SEPTIN2: variants seen among roughly 807,000 people sequenced by gnomAD.
The protein encoded by SEPTIN2 is septin-2.
In SEPTIN2, 34 loss-of-function variants were observed where a neutral mutation model predicts 46.5. The ratio of observed to expected loss-of-function variants is 0.73; its 90% CI spans 0.56 to 0.97. The LOEUF is 0.97. Among genes scored for constraint, SEPTIN2 ranks in the 50% least tolerant of loss-of-function variants. The pLI is 0.00. For synonymous variants in SEPTIN2, 175 were observed against 153.4 expected (o/e 1.14, Z -1.04); for missense variants, 347 against 448.4 (o/e 0.77, Z 2.04).
intron 5 of SEPTIN2, 140 bp from the exon 6 acceptor site, chr2:241,337,240 TAA>T (rs2080178787): frequency 1.2e-6 from 1 of 805,338 alleles, no homozygotes; most frequent in Non-Finnish European, 1.8e-6. Flanking sequence ...TTGCCAAATC[TAA>T]AAGTCAGTCT....
At chr2:241,321,392 C>T (rs769278920) in intron 1 of SEPTIN2, among the ~76,000 whole-genome samples, 7 of 152,008 alleles carry the variant, frequency 4.6e-5, no homozygotes, top group African/African-American at 1.2e-4. Flanking sequence ...ATCATTATAG[C>T]TTGTTATCCC....
chr2:241,345,493 C>A (rs554775583), intron 9 of SEPTIN2, among the ~76,000 whole-genome samples: 30 of 152,294 alleles, frequency 2.0e-4, no homozygotes, highest in African/African-American at 7.2e-4. Flanking sequence ...TGAGCCACTC[C>A]TTGGCTATCT....
chr2:241,328,292 C>T (rs1266955670), intron 3 of SEPTIN2, among the ~76,000 whole-genome samples: 1 of 151,806 alleles, frequency 6.6e-6, no homozygotes, highest in African/African-American at 2.4e-5. Flanking sequence ...AAAACCTGGG[C>T]GTGGTGGTGC....
At chr2:241,324,116 A>T in intron 1 of SEPTIN2, 100 bp from the exon 2 acceptor site, 1 of 1,065,804 alleles carries the variant, frequency 9.4e-7, no homozygotes, top group Non-Finnish European at 1.4e-6. Context: ...ATGTATGTGT[A>T]AGTCTTCTTC....
chr2:241,320,925 G>C (rs60209440), intron 1 of SEPTIN2, among the ~76,000 whole-genome samples: 17,009 of 151,846 alleles, frequency 0.11, 1,188 homozygotes, highest in Non-Finnish European at 0.15. Flanking sequence ...TTGCTTTCTA[G>C]AGATTGCTTA....
At chr2:241,344,646 T>A (rs1055086574) in intron 9 of SEPTIN2, among the ~76,000 whole-genome samples, 2 of 152,098 alleles carry the variant, frequency 1.3e-5, no homozygotes, top group Admixed American at 6.5e-5. Context: ...GAGGTTGCAG[T>A]GAGCCAAGAT....
At chr2:241,335,850 A>G (rs1271541623) in intron 4 of SEPTIN2, 125 bp from the exon 5 acceptor site, 3 of 1,204,762 alleles carry the variant, frequency 2.5e-6, no homozygotes, top group Non-Finnish European at 2.4e-6. Context: ...CTTAATCCCC[A>G]TGGTATCTTT....
At chr2:241,315,800 GGAA>G (rs2076074970), upstream of SEPTIN2, 1 of 152,420 alleles carries the variant, frequency 6.6e-6, no homozygotes, top group Admixed American at 6.5e-5. Context: ...ATGGGGGAGG[GGAA>G]GAAGGCCAGG....
intron 1 of SEPTIN2, chr2:241,316,399 A>C (rs1575094400): frequency 1.1e-6 from 1 of 939,658 alleles, no homozygotes; most frequent in Non-Finnish European, 1.5e-6. Context: ...TTGTCTTTCT[A>C]ACGGTGCCAT....
rs34209547 is a variant in SEPTIN2 at position 241,343,497 on chromosome 2, C to CA, written c.697-241dup. Reference sequence around the variant, plus strand: ...CTGGCGACAGAGCAAGACTCTGTCTCAAAAAAAAAAAAAATTTGATACAGC... The same window carrying CA: ...CTGGCGACAGAGCAAGACTCTGTCTCAAAAAAAAAAAAAAATTTGATACAGC... On this transcript the variant is annotated intron_variant, in intron 8 of 12. Transcript: ENST00000391971. 4.0e-3 allele frequency among the ~76,000 whole-genome samples: 500 copies of CA among 125,076 alleles called. 1 individual carries two copies. The highest frequency in any genetic ancestry group is 5.9e-3 in the Admixed American group (73 of 12,362). 82.1% of individuals were successfully genotyped at this position (125,076 alleles called of 152,430 possible).
At position 241,348,137 on chromosome 2, in the gene SEPTIN2, A is replaced by G. The variant is rs1264813973; in HGVS notation, c.930A>G (p.Lys310=). 3.1e-6 allele frequency: 5 copies of G among 1,611,892 alleles called. No homozygotes were observed. The highest frequency in any genetic ancestry group is 1.3e-5 in the African/African-American group (1 of 74,816). ...RSERLKRGGR[K]VENEDMNKDQ... ...TCTGATTTCTTTCGATTCTTAGGAA[A>G]GTGGAGAATGAGGACATGAATAAAG... is the stretch of plus-strand genomic sequence containing the variant. The change falls in exon 11 of 13, where the codon AAA becomes AAG. Residue 310 remains lysine (K), a synonymous_variant. Transcript: ENST00000391971.
chr2:241,326,233 A>G (rs1335438233), intron 3 of SEPTIN2, 120 bp downstream of exon 3: 1 of 941,114 alleles, frequency 1.1e-6, no homozygotes, highest in East Asian at 2.8e-5. Flanking sequence ...AAATAACTTG[A>G]GAATTTGAAC....
chr2:241,343,854 A>G lies in SEPTIN2; in HGVS notation c.799A>G (p.Asn267Asp). The G allele has an allele frequency of 6.2e-7, 1 of 1,614,214 alleles. No homozygotes were observed. Among genetic ancestry groups the G allele is most frequent in the Non-Finnish European group, 8.5e-7 (1 of 1,180,032 alleles). ...CCCCTGGGGTGTTGTGGAAGTGGAG[A>G]ACCCAGAGCACAATGACTTTCTGAA... Reference protein sequence around the residue: ...LYPWGVVEVENPEHNDFLKLR... With the variant: ...LYPWGVVEVEDPEHNDFLKLR... Residue 267 changes from asparagine (N) to aspartate (D), a missense_variant, in exon 9 of 13, where the codon AAC becomes GAC. Transcript: ENST00000391971.
At position 241,331,478 on chromosome 2, in the gene SEPTIN2, C is replaced by T. The variant is rs566857254; in HGVS notation, c.131-3648C>T. On this transcript the variant is annotated intron_variant, in intron 3 of 12. Transcript: ENST00000391971. The stretch of plus-strand genomic sequence containing the variant: ...ATGGTATGATTTTGGCAACCTCCAC[C>T]TCCCAGGTTTAAGTGATTCTCGTTT... Among the ~76,000 whole-genome samples, 9 of 152,316 alleles carry T rather than the reference C, an allele frequency of 5.9e-5. No homozygotes were observed. In the South Asian group the frequency reaches 1.9e-3, roughly 32 times the overall value.
chr2:241,335,512 A>G, intron 4 of SEPTIN2: 3 of 707,940 alleles, frequency 4.2e-6, no homozygotes, highest in Non-Finnish European at 7.3e-6. Flanking sequence ...GTTTTACATC[A>G]AAAATGCTGT....
intron 1 of SEPTIN2, among the ~76,000 whole-genome samples, chr2:241,322,450 A>T (rs1257637200): frequency 5.9e-5 from 9 of 151,654 alleles, no homozygotes; most frequent in East Asian, 5.8e-4. Context: ...CTAAAAATTA[A>T]AAAAAAATTA....
At chr2:241,333,626 C>CAGCCT (rs60182533) in intron 3 of SEPTIN2, among the ~76,000 whole-genome samples, 17 of 151,340 alleles carry the variant, frequency 1.1e-4, no homozygotes, top group East Asian at 3.9e-4. Context: ...TCTCCTGCCT[C>CAGCCT]CCGAGTAGCT....
At chr2:241,318,285 A>G (rs988111948) in intron 1 of SEPTIN2, 1 of 152,272 alleles carries the variant, frequency 6.6e-6, no homozygotes, top group Non-Finnish European at 1.5e-5. Context: ...GAGGTGCTCT[A>G]TGGTATTTCT....
intron 3 of SEPTIN2, among the ~76,000 whole-genome samples, chr2:241,326,787 C>T (rs918753365): frequency 6.6e-6 from 1 of 152,174 alleles, no homozygotes; most frequent in Admixed American, 6.6e-5. Flanking sequence ...GTAAGTGACC[C>T]GTTTCAGAAA....
Sources: allele counts gnomAD v4.1 joint callset (sites outside exome capture counted in the v4.1 genomes callset), GRCh38; gene constraint gnomAD v4.1.1; transcripts MANE v1.5; gene names NCBI Gene and HGNC (gene_info 2026-07-23, HGNC 2026-07-21).